IL20RA: variants seen among roughly 807,000 people sequenced by gnomAD.
IL20RA encodes interleukin 20 receptor subunit alpha.
In IL20RA, 29 loss-of-function variants were observed where a neutral mutation model predicts 36.5. That is an observed-to-expected ratio of 0.79 (90% CI 0.59 to 1.08). The LOEUF is 1.08. IL20RA is among the 50% of genes least tolerant of loss of function. The pLI, the probability that IL20RA is intolerant of heterozygous loss-of-function variation, is 0.00. For synonymous variants in IL20RA, 279 were observed against 267.1 expected (o/e 1.04, Z -0.43); for missense variants, 652 against 668.4 (o/e 0.98, Z 0.27).
chr6:137,028,958 G>A (rs534464445), intron 1 of IL20RA, among the ~76,000 whole-genome samples: 3 of 152,264 alleles, frequency 2.0e-5, no homozygotes, highest in African/African-American at 7.2e-5. Context: ...GGCTTTGAAT[G>A]CTTTCAACAA....
At chr6:137,042,082 A>G (rs531837447) in intron 1 of IL20RA, among the ~76,000 whole-genome samples, 9 of 152,116 alleles carry the variant, frequency 5.9e-5, no homozygotes, top group Non-Finnish European at 1.0e-4. Flanking sequence ...AGGAGAGGCC[A>G]AAGTCTGAGC....
chr6:137,010,964 C>T (rs550794820), intron 3 of IL20RA, among the ~76,000 whole-genome samples: 35 of 152,094 alleles, frequency 2.3e-4, no homozygotes, highest in East Asian at 1.5e-3. Flanking sequence ...AGGCTGGGTG[C>T]GGTGGCTTAT....
At position 137,033,428 on chromosome 6, in the gene IL20RA, T is replaced by C. The variant is rs559468545; in HGVS notation, c.88+11213A>G. On this transcript the variant is annotated intron_variant, in intron 1 of 6. Transcript: ENST00000316649. Reference sequence around the variant, plus strand: ...AGAGGTAGGACCTGGTGGGAGGTGATTGGACCATGGGGGTGGATTTCTCAT... The same window carrying C: ...AGAGGTAGGACCTGGTGGGAGGTGACTGGACCATGGGGGTGGATTTCTCAT... Among the ~76,000 whole-genome samples, 28 of 152,340 alleles carry C rather than the reference T, an allele frequency of 1.8e-4. No homozygotes were observed. The South Asian group carries it at 1.9e-3, about 10-fold the overall frequency.
chr6:137,031,510 A>G (rs1026968737), intron 1 of IL20RA, among the ~76,000 whole-genome samples: 6 of 152,254 alleles, frequency 3.9e-5, no homozygotes, highest in Non-Finnish European at 8.8e-5. Context: ...TATTCAGTAC[A>G]GTAGCATGCA....
intron 1 of IL20RA, among the ~76,000 whole-genome samples, chr6:137,038,676 C>A (rs753401102): frequency 6.6e-6 from 1 of 151,994 alleles, no homozygotes; most frequent in Admixed American, 6.6e-5. Context: ...ATGGATAATG[C>A]GATTTTACTC....
intron 1 of IL20RA, among the ~76,000 whole-genome samples, chr6:137,024,619 T>C (rs1303558842): frequency 6.6e-6 from 1 of 152,214 alleles, no homozygotes; most frequent in African/African-American, 2.4e-5. Flanking sequence ...AAATGCACCG[T>C]GTTCACCAGC....
In IL20RA at chr6:137,004,744, G is replaced by A; in HGVS notation, c.741C>T (p.Phe247=). ...ARTLKDQSSE[F]KAKIIFWYVL... is the part of the protein sequence containing the mutation. ...CATACCAGAAGATGATTTTAGCCTT[G>A]AACTCTGATGATTGATCTGTAAAAA... The change falls in exon 6 of 7, where the codon TTC becomes TTT. Residue 247 remains phenylalanine, a synonymous_variant. Transcript: ENST00000316649. 6.3e-7 allele frequency: 1 copy of A among 1,577,766 alleles called. No homozygotes were observed. The highest frequency in any genetic ancestry group is 1.4e-5 in the African/African-American group (1 of 70,154).
chr6:137,017,620 A>G (rs555797549), intron 1 of IL20RA, among the ~76,000 whole-genome samples: 1 of 152,356 alleles, frequency 6.6e-6, no homozygotes, highest in African/African-American at 2.4e-5. Flanking sequence ...AACTAAAACA[A>G]TCTCTTTATT....
At chr6:137,033,626 C>T (rs1240805543) in intron 1 of IL20RA, among the ~76,000 whole-genome samples, 4 of 152,200 alleles carry the variant, frequency 2.6e-5, no homozygotes, top group East Asian at 1.9e-4. Flanking sequence ...GCTCCCCTTC[C>T]GCCTTCTGCC....
At chr6:137,033,894 A>G (rs968356932) in intron 1 of IL20RA, among the ~76,000 whole-genome samples, 1 of 152,192 alleles carries the variant, frequency 6.6e-6, no homozygotes, top group Non-Finnish European at 1.5e-5. Flanking sequence ...ACACTATTCA[A>G]TTCACTGTTT....
At chr6:137,022,539 C>T (rs955453872) in intron 1 of IL20RA, among the ~76,000 whole-genome samples, 13 of 152,074 alleles carry the variant, frequency 8.5e-5, no homozygotes, top group Admixed American at 3.9e-4. Context: ...AACATCAGTT[C>T]GACACTCATC....
At chr6:137,023,515 T>C (rs556904311) in intron 1 of IL20RA, among the ~76,000 whole-genome samples, 57 of 152,326 alleles carry the variant, frequency 3.7e-4, no homozygotes, top group African/African-American at 1.3e-3. Flanking sequence ...ACTTCACTGC[T>C]GAAGGGAGAA....
At chr6:137,009,752 C>T (rs962512396) in intron 3 of IL20RA, among the ~76,000 whole-genome samples, 1 of 151,702 alleles carries the variant, frequency 6.6e-6, no homozygotes, top group Non-Finnish European at 1.5e-5. Context: ...ATTACAGGTG[C>T]CTGCCAACAC....
chr6:137,032,052 CAA>C (rs11379045), intron 1 of IL20RA, among the ~76,000 whole-genome samples: 53 of 61,912 alleles, frequency 8.6e-4, no homozygotes, highest in Middle Eastern at 9.4e-3. Flanking sequence ...GATTCTGTCT[CAA>C]AAAAAAAAAA....
chr6:137,004,507 A>T, intron 6 of IL20RA, 114 bp downstream of exon 6: 1 of 1,047,674 alleles, frequency 9.5e-7, no homozygotes, highest in Non-Finnish European at 1.4e-6. Flanking sequence ...CCAGCTATTT[A>T]ACTTTAAATT....
Position 137,044,953 on chromosome 6 carries a change from T to G in IL20RA, c.-225A>C. ...GAGCCCCCACGCGCGCTCCCCCGGC[T>G]ACCCAGCTGGATGGCAGCGCGAGGG... On this transcript the variant is annotated 5_prime_UTR_variant, in exon 1 of 7. Transcript: ENST00000316649. 1 of 333,762 alleles carries G rather than the reference T, an allele frequency of 3.0e-6. No individual in the cohort carries two copies. Among genetic ancestry groups the G allele is most frequent in the Non-Finnish European group, 5.3e-6 (1 of 188,000 alleles). 20.7% of individuals were successfully genotyped at this position (333,762 alleles called of 1,614,324 possible). A position where few individuals can be genotyped will look rare whatever the true frequency, so the allele number is the denominator to read the frequency against.
intron 1 of IL20RA, among the ~76,000 whole-genome samples, chr6:137,043,299 G>C (rs1211617020): frequency 6.6e-6 from 1 of 151,896 alleles, no homozygotes; most frequent in African/African-American, 2.4e-5. Flanking sequence ...AGGGGTCTCC[G>C]TATGTTGCCC....
intron 1 of IL20RA, chr6:137,037,899 A>G (rs1238865205): frequency 6.6e-6 from 1 of 152,224 alleles, no homozygotes; most frequent in Non-Finnish European, 1.5e-5. Context: ...AAATTGAAGG[A>G]TCAAGGCTCA....
At position 137,005,520 on chromosome 6, in the gene IL20RA, C is replaced by T. The variant is rs150109559; in HGVS notation, c.725-760G>A. Among the ~76,000 whole-genome samples, 581 of 152,286 alleles carry T rather than the reference C, an allele frequency of 3.8e-3. 2 individuals carry two copies. The highest frequency in any genetic ancestry group is 6.7e-3 in the Non-Finnish European group (453 of 68,022). On this transcript the variant is annotated intron_variant, in intron 5 of 6. Transcript: ENST00000316649. ...GATGACTAGAGCTCATTGTGACTAG[C>T]TCATACTTGTTAAGCCACTGTGGTA... is the stretch of plus-strand genomic sequence containing the variant.
Sources: allele counts gnomAD v4.1 joint callset (sites outside exome capture counted in the v4.1 genomes callset), GRCh38; gene constraint gnomAD v4.1.1; transcripts MANE v1.5; gene names NCBI Gene and HGNC (gene_info 2026-07-23, HGNC 2026-07-21).